Variants in EML5 observed in about 807,000 individuals in gnomAD.
EML5 encodes echinoderm microtubule-associated protein-like 5.
In EML5, 120 loss-of-function variants were observed where a neutral mutation model predicts 250.0. The observed-to-expected ratio is 0.48, with a 90% CI of 0.41 to 0.56. The LOEUF (loss-of-function observed/expected upper bound fraction) is 0.56, where lower values mean the gene tolerates loss of function less well. Among genes scored for constraint, EML5 ranks in the 20% least tolerant of loss-of-function variants. EML5 has a pLI of 0.00. For synonymous variants in EML5, 771 were observed against 806.5 expected, an observed-to-expected ratio of 0.96 and a Z score of 0.75; for missense variants, 2,006 against 2,437.6, an observed-to-expected ratio of 0.82 and a Z score of 3.73.
At chr14:88,765,075 A>G (rs2094302828) in intron 1 of EML5, among the ~76,000 whole-genome samples, 1 of 152,134 alleles carries the variant, frequency 6.6e-6, no homozygotes, top group African/African-American at 2.4e-5. Flanking sequence ...AAAAAGTAAC[A>G]TATTAGTTTG....
chr14:88,657,739 T>C (rs2091924047), intron 26 of EML5, among the ~76,000 whole-genome samples: 1 of 152,158 alleles, frequency 6.6e-6, no homozygotes, highest in Admixed American at 6.5e-5. Context: ...AATATGACCA[T>C]ACTTTTCTTA....
At chr14:88,772,564 C>G (rs1467096180) in intron 1 of EML5, among the ~76,000 whole-genome samples, 1 of 152,090 alleles carries the variant, frequency 6.6e-6, no homozygotes. Flanking sequence ...ACCAGACTGG[C>G]CAACGTGGTG....
chr14:88,633,599 A>G (rs1304318713), intron 33 of EML5, among the ~76,000 whole-genome samples: 2 of 151,860 alleles, frequency 1.3e-5, no homozygotes, highest in South Asian at 2.1e-4. Flanking sequence ...TAATTGTGTT[A>G]CTGGAACTTG....
At chr14:88,702,420 G>A in intron 14 of EML5, 26 bp downstream of exon 14, 2 of 1,572,452 alleles carry the variant, frequency 1.3e-6, no homozygotes, top group Non-Finnish European at 1.7e-6. Flanking sequence ...AGCTTATCTG[G>A]CTTATTGTCA....
intron 1 of EML5, among the ~76,000 whole-genome samples, chr14:88,760,608 C>G (rs1247610230): frequency 1.3e-5 from 2 of 152,066 alleles, no homozygotes; most frequent in African/African-American, 4.8e-5. Flanking sequence ...GAGTCCTCTA[C>G]CTTTGTTCTT....
rs750372665 is a variant in EML5, at chr14:88,615,889, T to G, written c.5898-35A>C. On this transcript the variant is annotated intron_variant, in intron 43 of 43. Transcript: ENST00000554922. ...GAGAAGAAAATTGCAGGGAGTTAAT[T>G]ATGTTTTTAGATTTTCATAACAGTT... is the stretch of plus-strand genomic sequence containing the variant. 5 of 1,596,888 alleles carry G rather than the reference T, an allele frequency of 3.1e-6. No homozygotes were observed. In the Admixed American group the frequency reaches 8.7e-5, roughly 28 times the overall value.
At chr14:88,657,623 GAAGT>G (rs1291849749) in intron 26 of EML5, 121 bp from the exon 27 acceptor site, 45 of 914,732 alleles carry the variant, frequency 4.9e-5, no homozygotes, top group South Asian at 1.1e-4. Context: ...AGCAAATTAT[GAAGT>G]AATATACAAC....
rs191419311 is a variant in EML5, at chr14:88,694,723, T to C, written c.2439-316A>G. ...TAAAGTCAATTTTAAAACAATACTT[T>C]GTTATAGCTTAAGATAGCCTTTCCA... On this transcript the variant is annotated intron_variant, in intron 16 of 43. Transcript: ENST00000554922. Among the ~76,000 whole-genome samples, 652 of 152,322 alleles carry C rather than the reference T, an allele frequency of 4.3e-3. 8 individuals are homozygous for C. The highest frequency in any genetic ancestry group is 0.015 in the African/African-American group (621 of 41,582).
At position 88,637,916 on chromosome 14, in the gene EML5, C is replaced by T. The variant is rs959990059; in HGVS notation, c.4336+893G>A. On this transcript the variant is annotated intron_variant, in intron 32 of 43. Coordinates refer to ENST00000554922, the MANE Select transcript of EML5 (RefSeq NM_183387.3). ...TTACTTTTAAAAGTAGAAAACTGTA[C>T]AAAAAGGAAAAACACAAGGGTCTAT... 4.6e-5 allele frequency among the ~76,000 whole-genome samples: 7 copies of T among 152,018 alleles called. No individual in the cohort carries two copies. The East Asian group carries it at 9.7e-4, about 21-fold the overall frequency.
intron 33 of EML5, among the ~76,000 whole-genome samples, chr14:88,633,314 G>A (rs746649060): frequency 1.3e-5 from 2 of 151,892 alleles, no homozygotes; most frequent in Admixed American, 6.6e-5. Context: ...TAGAGACAGG[G>A]TCTTGCTGTT....
chr14:88,704,318 GC>G (rs1454487812), intron 13 of EML5, among the ~76,000 whole-genome samples: 6 of 152,054 alleles, frequency 3.9e-5, no homozygotes, highest in Admixed American at 6.6e-5. Context: ...TTTGCCTTCT[GC>G]CATGAGTAAA....
In EML5 at chr14:88,682,050, A is replaced by T. The variant is rs2092724020; in HGVS notation, c.2983-19T>A. On this transcript the variant is annotated intron_variant, in intron 20 of 43. Transcript: ENST00000554922. ...TGTGTCCCTATAAAGAAAACATAGGATCAATTTAGTGTATGTGTGTGTATA... is the reference window on the plus strand; with the variant it reads ...TGTGTCCCTATAAAGAAAACATAGGTTCAATTTAGTGTATGTGTGTGTATA... 1.3e-6 allele frequency: 2 copies of T among 1,576,640 alleles called. No individual in the cohort carries two copies. Among genetic ancestry groups the T allele is most frequent in the Non-Finnish European group, 8.6e-7 (1 of 1,165,946 alleles).
chr14:88,690,360 G>T (rs76340069), intron 17 of EML5, among the ~76,000 whole-genome samples: 7,495 of 152,332 alleles, frequency 0.049, 496 homozygotes, highest in South Asian at 0.15. Context: ...AAGGATGAAA[G>T]GAGTTAGAAG....
rs755620076 is a variant in EML5 at position 88,644,501 on chromosome 14, T to A, written c.4039A>T (p.Ser1347Cys). 5.6e-6 allele frequency: 9 copies of A among 1,613,756 alleles called. No homozygotes were observed. Among genetic ancestry groups the A allele is most frequent in the Non-Finnish European group, 7.6e-6 (9 of 1,179,792 alleles). The change falls in exon 30 of 44, where the codon AGC (serine) becomes TGC (cysteine). Residue 1347 changes from serine (S) to cysteine (C), a missense_variant. By Grantham distance (112) the Ser-to-Cys change is moderately radical. Transcript: ENST00000554922. ...TTCTCTGGCTGTGGTGGGGCCCTGCTCACTGGAGGCCTGCAACAGAGAAGT... is the reference window on the plus strand; with the variant it reads ...TTCTCTGGCTGTGGTGGGGCCCTGCACACTGGAGGCCTGCAACAGAGAAGT... ...GVVRGSRPPV[S>C]RAPPQPEKLQ...
chr14:88,735,807 A>G (rs1671245985), intron 7 of EML5, among the ~76,000 whole-genome samples: 1 of 152,228 alleles, frequency 6.6e-6, no homozygotes, highest in Admixed American at 6.5e-5. Flanking sequence ...AAATTACAGT[A>G]TATCCATGCA....
intron 31 of EML5, among the ~76,000 whole-genome samples, chr14:88,640,778 T>C (rs1206338614): frequency 6.6e-6 from 1 of 152,000 alleles, no homozygotes; most frequent in Non-Finnish European, 1.5e-5. Context: ...AAAATCGGTT[T>C]TTTGAAAAGA....
chr14:88,664,520 T>C lies in EML5; in HGVS notation c.3382A>G (p.Ile1128Val). The C allele has an allele frequency of 6.2e-7, 1 of 1,608,538 alleles. No homozygotes were observed. The highest frequency in any genetic ancestry group is 8.5e-7 in the Non-Finnish European group (1 of 1,178,202). The stretch of plus-strand genomic sequence containing the variant: ...CTAATATCCCAATCAATATGGGTTA[T>C]GTAACTGGTAGCTCCTTTGCATATT... ...VGICKGATSY[I>V]THIDWDIRGK... Residue 1128 changes from isoleucine (I) to valine (V), a missense_variant, in exon 23 of 44, where the codon ATA becomes GTA. Physicochemically the swap from Ile to Val is conservative, Grantham distance 29. Around this residue, in one of 7 missense-constraint regions of EML5, gnomAD observed 1,375 missense variants for 1,590.3 expected, o/e 0.86. Transcript: ENST00000554922.
Position 88,712,371 on chromosome 14 carries a change from G to A in EML5, c.1557C>T (p.Asn519=), listed in dbSNP as rs535998387. The change falls in exon 10 of 44, where the codon AAC becomes AAT. Residue 519 remains asparagine, a synonymous_variant. Transcript: ENST00000554922. ...AATTTCCATCTACTGAATTTATATCGTTGATATCTGAATACTTGGGCCAAA... is the reference window on the plus strand; with the variant it reads ...AATTTCCATCTACTGAATTTATATCATTGATATCTGAATACTTGGGCCAAA... ...NGIWPKYSDI[N]DINSVDGNYI... is the part of the protein sequence containing the mutation. 122 of 1,613,156 alleles carry A rather than the reference G, an allele frequency of 7.6e-5. No homozygotes were observed. The South Asian group carries it at 9.1e-4, about 12-fold the overall frequency.
At chr14:88,779,325 ATAGATT>A (rs2094475241) in intron 1 of EML5, among the ~76,000 whole-genome samples, 1 of 152,234 alleles carries the variant, frequency 6.6e-6, no homozygotes, top group Non-Finnish European at 1.5e-5. Flanking sequence ...GCACAGAAAT[ATAGATT>A]TACTCAACAG....
Sources: gnomAD v4.1 joint callset for allele counts (sites outside exome capture counted in the v4.1 genomes callset) on GRCh38, gnomAD v4.1.1 for gene constraint, gnomAD v4.1.1 regional missense constraint, MANE v1.5 for transcripts, NCBI Gene and HGNC (gene_info 2026-07-23, HGNC 2026-07-21) for gene names.